GDPD5: variants seen among roughly 807,000 people sequenced by gnomAD.
GDPD5 encodes the protein glycerophosphodiester phosphodiesterase domain containing 5.
GDPD5 carries 48 observed loss-of-function variants against 75.1 expected under a neutral mutation model. That is an observed-to-expected ratio of 0.64 (90% CI 0.51 to 0.81). The LOEUF (loss-of-function observed/expected upper bound fraction) is 0.81. Ranked by LOEUF, GDPD5 falls within the 40% of genes least tolerant of loss-of-function variation. The pLI is 0.00. For synonymous variants in GDPD5, 336 were observed against 339.0 expected, an observed-to-expected ratio of 0.99 and a Z score of 0.10; for missense variants, 706 against 822.6, an observed-to-expected ratio of 0.86 and a Z score of 1.73.
intron 3 of GDPD5, among the ~76,000 whole-genome samples, chr11:75,464,264 T>C (rs1949472661): frequency 6.6e-6 from 1 of 152,264 alleles, no homozygotes; most frequent in African/African-American, 2.4e-5. Context: ...TCATTCTTTC[T>C]GTGACTCAGT....
intron 6 of GDPD5, among the ~76,000 whole-genome samples, chr11:75,454,407 A>G (rs537266814): frequency 6.6e-6 from 1 of 152,368 alleles, no homozygotes; most frequent in African/African-American, 2.4e-5. Context: ...TTGCTAAGAG[A>G]GCATGAATCG....
At chr11:75,466,470 CAG>C (rs1949518716) in intron 3 of GDPD5, among the ~76,000 whole-genome samples, 2 of 152,262 alleles carry the variant, frequency 1.3e-5, no homozygotes, top group South Asian at 2.1e-4. Context: ...CACATTACAG[CAG>C]AGAGAGGCCT....
intron 15 of GDPD5, 85 bp downstream of exon 15, chr11:75,439,794 T>G (rs1025567421): frequency 9.0e-7 from 1 of 1,116,930 alleles, no homozygotes; most frequent in African/African-American, 1.5e-5. Context: ...GGCCCAGGGC[T>G]CAGGAGAGGG....
intron 3 of GDPD5, among the ~76,000 whole-genome samples, chr11:75,474,372 C>T (rs1032833202): frequency 6.6e-6 from 1 of 152,216 alleles, no homozygotes; most frequent in Non-Finnish European, 1.5e-5. Flanking sequence ...GGCCTGAGAA[C>T]AGTCTTCTGT....
At chr11:75,477,277 C>A (rs1949799032) in intron 3 of GDPD5, among the ~76,000 whole-genome samples, 1 of 152,224 alleles carries the variant, frequency 6.6e-6, no homozygotes, top group Non-Finnish European at 1.5e-5. Flanking sequence ...TCTCCTCCAG[C>A]ACCTGCCTGT....
At chr11:75,450,078 CAGGAGAGG>C (rs1949098952) in intron 6 of GDPD5, 95 bp from the exon 7 acceptor site, 1 of 976,950 alleles carries the variant, frequency 1.0e-6, no homozygotes, top group Non-Finnish European at 1.6e-6. Flanking sequence ...ACAGAGAGGG[CAGGAGAGG>C]CCGATGGAGC....
chr11:75,493,878 T>G (rs568212604), intron 1 of GDPD5, among the ~76,000 whole-genome samples: 1 of 152,310 alleles, frequency 6.6e-6, no homozygotes, highest in East Asian at 1.9e-4. Context: ...TAGTGTGATA[T>G]TCACAAAAAT....
intron 2 of GDPD5, among the ~76,000 whole-genome samples, chr11:75,480,887 T>C (rs1320271495): frequency 6.6e-6 from 1 of 152,264 alleles, no homozygotes; most frequent in East Asian, 1.9e-4. Context: ...TAACATTTCA[T>C]TGGACGCAGC....
intron 2 of GDPD5, among the ~76,000 whole-genome samples, chr11:75,481,308 A>AC (rs1469244688): frequency 6.6e-6 from 1 of 152,148 alleles, no homozygotes; most frequent in African/African-American, 2.4e-5. Flanking sequence ...TATCCCTCCA[A>AC]CACCACCACC....
chr11:75,485,010 TAAAAAGG>T (rs1341842050), intron 2 of GDPD5, among the ~76,000 whole-genome samples: 1 of 152,032 alleles, frequency 6.6e-6, no homozygotes, highest in Non-Finnish European at 1.5e-5. Context: ...TATTTGGCAA[TAAAAAGG>T]AGTCAGCTAC....
At chr11:75,479,114 G>A (rs1949846962) in intron 2 of GDPD5, 1 of 152,194 alleles carries the variant, frequency 6.6e-6, no homozygotes, top group African/African-American at 2.4e-5. Flanking sequence ...CGGCCTCTGG[G>A]GGCCAGTGTT....
intron 1 of GDPD5, among the ~76,000 whole-genome samples, chr11:75,501,048 T>G (rs940019865): frequency 1.3e-5 from 2 of 152,142 alleles, no homozygotes; most frequent in Non-Finnish European, 2.9e-5. Flanking sequence ...CTCTGGAAGG[T>G]AGGGGCAGGG....
intron 6 of GDPD5, among the ~76,000 whole-genome samples, chr11:75,454,772 ATCTG>A (rs1221089959): frequency 2.6e-5 from 4 of 152,248 alleles, no homozygotes; most frequent in South Asian, 2.1e-4. Flanking sequence ...TGTGCTTAAA[ATCTG>A]TCTGGAAAGA....
At chr11:75,435,713 G>A in intron 16 of GDPD5, 58 bp from the exon 17 acceptor site, 1 of 1,529,296 alleles carries the variant, frequency 6.5e-7, no homozygotes, top group Non-Finnish European at 8.9e-7. Context: ...GTGAGGATGG[G>A]TGACAGATGG....
rs771106140 is a variant in GDPD5 at position 75,477,667 on chromosome 11, G to A, written c.69C>T (p.Tyr23=). The A allele has an allele frequency of 1.2e-5, 20 of 1,600,352 alleles. No individual in the cohort carries two copies. Among genetic ancestry groups the A allele is most frequent in the African/African-American group, 6.7e-5 (5 of 74,852 alleles). The change falls in exon 3 of 17, where the codon TAC becomes TAT. Residue 23 remains tyrosine, a synonymous_variant. Coordinates refer to ENST00000336898, the MANE Select transcript of GDPD5 (RefSeq NM_030792.8). ...GCTGGTAGCGCTTCCAACGGCAGCC[G>A]TAGATGCCCGTGAGGCAGGAGAGGC... ...QLCLSCLTGI[Y]GCRWKRYQRS...
chr11:75,473,719 C>A (rs372456424), intron 3 of GDPD5, among the ~76,000 whole-genome samples: 2 of 152,284 alleles, frequency 1.3e-5, no homozygotes, highest in African/African-American at 4.8e-5. Flanking sequence ...GCACCTGAGC[C>A]GGTGGACTGA....
At chr11:75,488,740 T>C (rs886332476) in intron 2 of GDPD5, among the ~76,000 whole-genome samples, 1 of 152,196 alleles carries the variant, frequency 6.6e-6, no homozygotes, top group Non-Finnish European at 1.5e-5. Context: ...GCCTCCTCCT[T>C]TTTGTGCTCA....
intron 3 of GDPD5, among the ~76,000 whole-genome samples, chr11:75,471,844 C>A (rs903029966): frequency 6.6e-6 from 1 of 152,156 alleles, no homozygotes; most frequent in Non-Finnish European, 1.5e-5. Context: ...AGCGATAAAT[C>A]CCCACCTCCT....
rs374138782 is a variant in GDPD5 at position 75,466,123 on chromosome 11, C to A, written c.118-3234G>T. On this transcript the variant is annotated intron_variant, in intron 3 of 16. Transcript: ENST00000336898. Reference sequence around the variant, plus strand: ...TGGTGGTGGTTGGGGGTGAGGCATCCAGGCATGGAAGGAATGCAGGCAGGG... The same window carrying A: ...TGGTGGTGGTTGGGGGTGAGGCATCAAGGCATGGAAGGAATGCAGGCAGGG... Among the ~76,000 whole-genome samples, 6 of 152,330 alleles carry A rather than the reference C, an allele frequency of 3.9e-5. No individual in the cohort carries two copies. In the East Asian group the frequency reaches 1.2e-3, roughly 29 times the overall value.
Sources: gnomAD v4.1 joint callset for allele counts (sites outside exome capture counted in the v4.1 genomes callset) on GRCh38, gnomAD v4.1.1 for gene constraint, MANE v1.5 for transcripts, NCBI Gene and HGNC (gene_info 2026-07-23, HGNC 2026-07-21) for gene names.